The following L3MBTL2 variants were observed in gnomAD, a reference collection of about 807,000 sequenced individuals.
L3MBTL2 encodes the protein lethal(3)malignant brain tumor-like protein 2.
A neutral mutation model predicts 86.4 loss-of-function variants in L3MBTL2; 49 were observed. The ratio of observed to expected loss-of-function variants is 0.57; its 90% CI spans 0.45 to 0.72. The LOEUF is 0.72. L3MBTL2 is among the 30% of genes least tolerant of loss of function. The pLI is 0.00. For synonymous variants in L3MBTL2, 336 were observed against 350.6 expected, an observed-to-expected ratio of 0.96 and a Z score of 0.47; for missense variants, 755 against 923.7, an observed-to-expected ratio of 0.82 and a Z score of 2.37.
chr22:41,229,512 C>T, intron 15 of L3MBTL2, 28 bp from the exon 16 acceptor site: 1 of 1,599,870 alleles, frequency 6.3e-7, no homozygotes. Flanking sequence ...AACCCTAATG[C>T]TGGGTTTGAA....
At position 41,230,207 on chromosome 22, in the gene L3MBTL2, C is replaced by T. The variant is rs775208900; in HGVS notation, c.2074C>T (p.Leu692=). Residue 692 remains leucine, a synonymous_variant, in exon 17 of 17, where the codon CTG becomes TTG. Coordinates refer to ENST00000216237, the MANE Select transcript of L3MBTL2 (RefSeq NM_031488.5). The part of the protein sequence containing the change: ...ASPDKASSPE[L]PVSVENIKQE... ...GCCCGACAAGGCTTCAAGTCCAGAGCTGCCTGTCTCCGTCGAGAACATCAA... is the reference window on the plus strand; with the variant it reads ...GCCCGACAAGGCTTCAAGTCCAGAGTTGCCTGTCTCCGTCGAGAACATCAA... 2 of 1,613,576 alleles carry T rather than the reference C, an allele frequency of 1.2e-6. No individual in the cohort carries two copies. Among genetic ancestry groups the T allele is most frequent in the Non-Finnish European group, 8.5e-7 (1 of 1,179,950 alleles).
chr22:41,214,099 C>T (rs988485361), intron 3 of L3MBTL2, 73 bp downstream of exon 3: 39 of 1,545,842 alleles, frequency 2.5e-5, no homozygotes, highest in Non-Finnish European at 3.0e-5. Flanking sequence ...GACTGAAGGC[C>T]AGGGCCAGGA....
At chr22:41,221,931 C>T (rs2031854220) in intron 8 of L3MBTL2, among the ~76,000 whole-genome samples, 1 of 148,386 alleles carries the variant, frequency 6.7e-6, no homozygotes, top group Admixed American at 6.8e-5. Flanking sequence ...TAGAGTCTCG[C>T]TCTGTTGCCC....
In L3MBTL2 at chr22:41,223,998, C is replaced by T. The variant is rs748535688; in HGVS notation, c.943-22C>T. On this transcript the variant is annotated intron_variant, in intron 8 of 16. Coordinates refer to ENST00000216237, the MANE Select transcript of L3MBTL2 (RefSeq NM_031488.5). ...GGAAGAGCCCTGAGCCATAGCAGGC[C>T]TGTGTTCTGACGTCGTTTCAGATGG... 33 of 1,596,690 alleles carry T rather than the reference C, an allele frequency of 2.1e-5. No homozygotes were observed. In the East Asian group the frequency reaches 4.7e-4, roughly 23 times the overall value.
chr22:41,220,475 C>G (rs1021341592), intron 6 of L3MBTL2, among the ~76,000 whole-genome samples: 1 of 151,946 alleles, frequency 6.6e-6, no homozygotes, highest in Non-Finnish European at 1.5e-5. Flanking sequence ...ATCACGAGGT[C>G]GGGAGATCGA....
In L3MBTL2 at chr22:41,223,873, C is replaced by T. The variant is rs567904946; in HGVS notation, c.943-147C>T. On this transcript the variant is annotated intron_variant, in intron 8 of 16. Transcript: ENST00000216237. ...GGAGTCAGGGCCAAGGTGAGCCTGG[C>T]AGCGCAGGCAGTCTCATCTGCCACC... 36 of 646,234 alleles carry T rather than the reference C, an allele frequency of 5.6e-5. No individual in the cohort carries two copies. The East Asian group carries it at 9.4e-4, about 17-fold the overall frequency. The allele number at this position is 646,234 out of a possible 1,614,324, so 40.0% of individuals were successfully genotyped here.
At chr22:41,220,407 GCT>G in intron 6 of L3MBTL2, among the ~76,000 whole-genome samples, 1 of 152,102 alleles carries the variant, frequency 6.6e-6, no homozygotes, top group South Asian at 2.1e-4. Context: ...CCTTCCCCAA[GCT>G]AGGCCCGGTG....
At chr22:41,214,163 C>A in intron 3 of L3MBTL2, 137 bp downstream of exon 3, 1 of 833,368 alleles carries the variant, frequency 1.2e-6, no homozygotes, top group Non-Finnish European at 1.9e-6. Context: ...TGTTCTCAAA[C>A]TTCAGAGGAC....
rs746212038 is a variant in L3MBTL2 at position 41,224,755 on chromosome 22, C to T, written c.1205C>T (p.Thr402Ile). 45 of 1,613,916 alleles carry T rather than the reference C, an allele frequency of 2.8e-5. No homozygotes were observed. Among genetic ancestry groups the T allele is most frequent in the Non-Finnish European group, 3.6e-5 (42 of 1,179,892 alleles). The change falls in exon 10 of 17, where the codon ACC becomes ATC. Residue 402 changes from threonine to isoleucine, a missense_variant. Physicochemically the swap from Thr to Ile is moderately conservative, Grantham distance 89. This residue lies in a region of L3MBTL2 where 634 missense variants were observed against 748.9 expected (regional missense o/e 0.85). Coordinates refer to ENST00000216237, the MANE Select transcript of L3MBTL2 (RefSeq NM_031488.5). This position sits in a 1 kb window ranked among gnomAD's most constrained non-coding sequence, Gnocchi z 4.9. ...CGAAGTGACATGGCCCATCACCCCA[C>T]CTTCCGGAAGATCTACTGTGATGCC... Reference protein sequence around the residue: ...ERRSDMAHHPTFRKIYCDAVP... With the variant: ...ERRSDMAHHPIFRKIYCDAVP...
intron 15 of L3MBTL2, chr22:41,228,542 T>G (rs1006500145): frequency 6.1e-6 from 6 of 985,268 alleles, no homozygotes; most frequent in Non-Finnish European, 7.2e-6. Context: ...ACAAGGTCCC[T>G]TGGGCAGGGT....
Position 41,209,603 on chromosome 22 carries a change from G to A in L3MBTL2, c.25-93G>A, listed in dbSNP as rs1297132077. 11 of 1,072,616 alleles carry A rather than the reference G, an allele frequency of 1.0e-5. No individual in the cohort carries two copies. In the Admixed American group the frequency reaches 1.9e-4, roughly 19 times the overall value. The allele number at this position is 1,072,616 out of a possible 1,614,324, so 66.4% of individuals were successfully genotyped here. ...GGGTATTTGAAAGGTTCCCGAAAGT[G>A]TGAGGGGGCTGATAGCAGATCTGCA... On this transcript the variant is annotated intron_variant, in intron 1 of 16. Transcript: ENST00000216237.
chr22:41,226,458 T>C (rs1187562979), intron 12 of L3MBTL2, among the ~76,000 whole-genome samples: 1 of 152,130 alleles, frequency 6.6e-6, no homozygotes, highest in Non-Finnish European at 1.5e-5. Context: ...CTCCCACTTA[T>C]CCCATTGGTC....
At chr22:41,220,383 G>T (rs7286756) in intron 6 of L3MBTL2, among the ~76,000 whole-genome samples, 14 of 152,014 alleles carry the variant, frequency 9.2e-5, no homozygotes, top group African/African-American at 3.4e-4. Flanking sequence ...GAAAAGAGAA[G>T]GCTTAAGAAC....
intron 16 of L3MBTL2, 142 bp downstream of exon 16, chr22:41,229,798 G>T: frequency 7.1e-7 from 1 of 1,408,358 alleles, no homozygotes; most frequent in African/African-American, 1.4e-5. Flanking sequence ...CTGTACCACT[G>T]GACCCAGGGT....
At chr22:41,219,024 T>C (rs139468) in intron 5 of L3MBTL2, 129,217 of 176,784 alleles carry the variant, frequency 0.73, 48,346 homozygotes, top group African/African-American at 0.9. Flanking sequence ...CCCAGGTTTG[T>C]ATGATGATTG....
chr22:41,221,022 T>C (rs79543), intron 7 of L3MBTL2, among the ~76,000 whole-genome samples, 154 bp downstream of exon 7: 113,323 of 152,110 alleles, frequency 0.75, 43,204 homozygotes, highest in African/African-American at 0.92. Context: ...CCCAGAGGCC[T>C]GGGGGCAGAT....
intron 15 of L3MBTL2, chr22:41,228,394 T>G: frequency 1.0e-6 from 1 of 985,434 alleles, no homozygotes; most frequent in Non-Finnish European, 1.2e-6. Flanking sequence ...ACTCTACAGA[T>G]TCTGAGCCCA....
At chr22:41,228,221 G>C in intron 15 of L3MBTL2, 1 of 985,498 alleles carries the variant, frequency 1.0e-6, no homozygotes, top group Non-Finnish European at 1.2e-6. Flanking sequence ...AGGTTCTAAA[G>C]GAAAAGCCAC....
At chr22:41,210,200 A>G (rs1222745911) in intron 2 of L3MBTL2, among the ~76,000 whole-genome samples, 23 of 126,892 alleles carry the variant, frequency 1.8e-4, no homozygotes, top group African/African-American at 7.2e-4. Context: ...CTCAGGATGG[A>G]GTACAGTGGC....
Sources: allele counts gnomAD v4.1 joint callset (sites outside exome capture counted in the v4.1 genomes callset), GRCh38; gene constraint gnomAD v4.1.1; regional missense constraint gnomAD v4.1.1; non-coding constraint Gnocchi (gnomAD v3.1); transcripts MANE v1.5; gene names NCBI Gene and HGNC (gene_info 2026-07-23, HGNC 2026-07-21).